ADAMTS6: variants seen among roughly 807,000 people sequenced by gnomAD.
ADAMTS6 encodes ADAM metallopeptidase with thrombospondin type 1 motif 6.
Under a neutral mutation model 144.3 loss-of-function variants are expected in ADAMTS6, and 23 were observed. The ratio of observed to expected loss-of-function variants is 0.16; its 90% CI spans 0.11 to 0.23. The LOEUF (loss-of-function observed/expected upper bound fraction) is 0.23, where lower values mean the gene tolerates loss of function less well. Ranked by LOEUF, ADAMTS6 falls within the 10% of genes least tolerant of loss-of-function variation. The pLI, the probability that ADAMTS6 is intolerant of heterozygous loss-of-function variation, is 1.00. For synonymous variants in ADAMTS6, 444 were observed against 457.5 expected, an observed-to-expected ratio of 0.97 and a Z score of 0.38; for missense variants, 999 against 1,379.6, an observed-to-expected ratio of 0.72 and a Z score of 4.37.
chr5:65,237,585 A>G (rs962027712), intron 15 of ADAMTS6, among the ~76,000 whole-genome samples: 7 of 152,124 alleles, frequency 4.6e-5, no homozygotes, highest in African/African-American at 1.7e-4. Flanking sequence ...AAAAATAAAT[A>G]AAGATTCTAT....
intron 4 of ADAMTS6, among the ~76,000 whole-genome samples, chr5:65,456,075 G>C (rs1392329731): frequency 6.6e-6 from 1 of 151,300 alleles, no homozygotes; most frequent in East Asian, 1.9e-4. Context: ...AATCAAGAGA[G>C]AGAACATCTT....
intron 22 of ADAMTS6, among the ~76,000 whole-genome samples, chr5:65,182,062 T>C (rs1315176938): frequency 2.0e-5 from 3 of 152,112 alleles, no homozygotes; most frequent in Non-Finnish European, 4.4e-5. Flanking sequence ...TTAGGGGAGA[T>C]GAAGAATGCG....
At chr5:65,284,421 A>G (rs571234129) in intron 11 of ADAMTS6, among the ~76,000 whole-genome samples, 1 of 152,082 alleles carries the variant, frequency 6.6e-6, no homozygotes, top group African/African-American at 2.4e-5. Context: ...GGCTTACTGA[A>G]TAATTTTTCA....
intron 21 of ADAMTS6, among the ~76,000 whole-genome samples, chr5:65,189,240 T>C (rs1387491698): frequency 2.6e-5 from 4 of 152,230 alleles, no homozygotes; most frequent in Admixed American, 6.5e-5. Context: ...TGTTTTGTTT[T>C]TTTTGCAACA....
At chr5:65,320,685 C>T (rs180769599) in intron 9 of ADAMTS6, among the ~76,000 whole-genome samples, 3 of 151,940 alleles carry the variant, frequency 2.0e-5, no homozygotes, top group East Asian at 1.9e-4. Context: ...GCCTAGTACC[C>T]GTTAGTTGTC....
At chr5:65,184,735 C>T (rs7735218) in intron 22 of ADAMTS6, among the ~76,000 whole-genome samples, 27,896 of 151,898 alleles carry the variant, frequency 0.18, 2,692 homozygotes, top group Middle Eastern at 0.24. Flanking sequence ...ATAGGATATG[C>T]GAAAGCTGTG....
intron 22 of ADAMTS6, among the ~76,000 whole-genome samples, chr5:65,185,291 C>T (rs1327941395): frequency 2.6e-5 from 4 of 152,086 alleles, no homozygotes; most frequent in Non-Finnish European, 4.4e-5. Context: ...GTAATGGAAG[C>T]GTGAGAGTAA....
intron 9 of ADAMTS6, among the ~76,000 whole-genome samples, chr5:65,318,760 G>A (rs914844932): frequency 6.6e-6 from 1 of 151,994 alleles, no homozygotes; most frequent in Admixed American, 6.6e-5. Flanking sequence ...TGGGGGATGC[G>A]GGTAGGCTGG....
At chr5:65,246,161 C>A (rs181415551) in intron 14 of ADAMTS6, among the ~76,000 whole-genome samples, 100 of 152,270 alleles carry the variant, frequency 6.6e-4, no homozygotes, top group Non-Finnish European at 3.8e-4. Flanking sequence ...TTCGCAGGTT[C>A]TTCCTTACTT....
chr5:65,426,884 A>G (rs1287970234), intron 7 of ADAMTS6, among the ~76,000 whole-genome samples: 1 of 152,198 alleles, frequency 6.6e-6, no homozygotes, highest in Non-Finnish European at 1.5e-5. Context: ...ACAGATAAAG[A>G]AGGCACATTA....
intron 7 of ADAMTS6, among the ~76,000 whole-genome samples, chr5:65,447,585 A>T (rs2150242690): frequency 6.6e-6 from 1 of 152,190 alleles, no homozygotes; most frequent in Non-Finnish European, 1.5e-5. Flanking sequence ...TGCCTTCAAA[A>T]ATTCTGCTTC....
intron 7 of ADAMTS6, among the ~76,000 whole-genome samples, chr5:65,398,368 A>T (rs1374427939): frequency 6.6e-6 from 1 of 152,190 alleles, no homozygotes; most frequent in Non-Finnish European, 1.5e-5. Flanking sequence ...CTCCTTTATC[A>T]TTACGTAATA....
chr5:65,419,959 A>G (rs1214865874), intron 7 of ADAMTS6, among the ~76,000 whole-genome samples: 1 of 152,206 alleles, frequency 6.6e-6, no homozygotes, highest in Non-Finnish European at 1.5e-5. Flanking sequence ...CCATTCTCAC[A>G]TTGCTATAAG....
chr5:65,357,551 A>T (rs1405300892), intron 7 of ADAMTS6, among the ~76,000 whole-genome samples: 1 of 151,778 alleles, frequency 6.6e-6, no homozygotes, highest in Non-Finnish European at 1.5e-5. Flanking sequence ...AAAAAGATCA[A>T]TGAAATTAGG....
At chr5:65,399,786 TTATC>T (rs1356022371) in intron 7 of ADAMTS6, among the ~76,000 whole-genome samples, 1 of 152,192 alleles carries the variant, frequency 6.6e-6, no homozygotes, top group Admixed American at 6.5e-5. Context: ...TAACAAACTG[TTATC>T]TGTCTGATAG....
chr5:65,242,187 C>T lies in ADAMTS6; in HGVS notation c.1850G>A (p.Arg617Gln), dbSNP rs542293343. 2.4e-5 allele frequency: 38 copies of T among 1,595,540 alleles called. No individual in the cohort carries two copies. Among genetic ancestry groups the T allele is most frequent in the African/African-American group, 4.0e-5 (3 of 74,578 alleles). The change falls in exon 15 of 25, where the codon CGA (arginine) becomes CAA (glutamine). Residue 617 changes from arginine to glutamine, a missense_variant. Physicochemically the swap from Arg to Gln is conservative, Grantham distance 43. Transcript: ENST00000381055. ...TGCACACTGTTTCTCTCGAAAATCT[C>T]GGGAACCCAAAGGGCATGGCTAAAA... Reference protein sequence around the residue: ...CNTDPCPLGSRDFREKQCADF... With the variant: ...CNTDPCPLGSQDFREKQCADF...
chr5:65,301,300 T>C (rs551355997), intron 9 of ADAMTS6, among the ~76,000 whole-genome samples: 3 of 152,202 alleles, frequency 2.0e-5, no homozygotes, highest in African/African-American at 7.2e-5. Context: ...TGGTTGAATA[T>C]TACTAAGAAA....
chr5:65,370,976 G>A (rs559139191), intron 7 of ADAMTS6, among the ~76,000 whole-genome samples: 60 of 152,068 alleles, frequency 3.9e-4, no homozygotes, highest in African/African-American at 1.3e-3. Flanking sequence ...CCTGACCCCC[G>A]AGCAGCCTAA....
chr5:65,448,256 C>A (rs149617147), intron 7 of ADAMTS6, among the ~76,000 whole-genome samples: 1 of 151,876 alleles, frequency 6.6e-6, no homozygotes, highest in African/African-American at 2.4e-5. Context: ...GATAGCTTTG[C>A]GGATCACAGT....
Sources: gnomAD v4.1 joint callset for allele counts (sites outside exome capture counted in the v4.1 genomes callset) on GRCh38, gnomAD v4.1.1 for gene constraint, MANE v1.5 for transcripts, NCBI Gene and HGNC (gene_info 2026-07-23, HGNC 2026-07-21) for gene names.